The following MARK2 variants were observed in gnomAD, a reference collection of about 807,000 sequenced individuals.
MARK2 encodes the protein microtubule affinity regulating kinase 2, also known as serine/threonine-protein kinase MARK2.
A neutral mutation model predicts 89.8 loss-of-function variants in MARK2; 16 were observed. That is an observed-to-expected ratio of 0.18 (90% CI 0.12 to 0.27). MARK2 has a LOEUF of 0.27. Among genes scored for constraint, MARK2 ranks in the 10% least tolerant of loss-of-function variants. The pLI is 1.00. For synonymous variants in MARK2, 382 were observed against 399.5 expected, an observed-to-expected ratio of 0.96 and a Z score of 0.52; for missense variants, 621 against 1,049.9, an observed-to-expected ratio of 0.59 and a Z score of 5.65.
chr11:63,891,357 G>C (rs1171832242), intron 1 of MARK2, among the ~76,000 whole-genome samples: 1 of 152,224 alleles, frequency 6.6e-6, no homozygotes, highest in Non-Finnish European at 1.5e-5. Flanking sequence ...GTCTTAACCA[G>C]AAAGGAAGAG....
At position 63,902,884 on chromosome 11, in the gene MARK2, T is replaced by C; in HGVS notation, c.1416+102T>C. 8.7e-7 allele frequency: 1 copy of C among 1,150,720 alleles called. No individual in the cohort carries two copies. The highest frequency in any genetic ancestry group is 1.3e-6 in the Non-Finnish European group (1 of 785,320). The allele number at this position is 1,150,720 out of a possible 1,614,324, so 71.3% of individuals were successfully genotyped here. A position where few individuals can be genotyped will look rare whatever the true frequency, so the allele number is the denominator to read the frequency against. ...AGACTCTGTTCCCTTTGGCTACTAC[T>C]TCTGCTTATAGCAGGAAGCCTCGCT... On this transcript the variant is annotated intron_variant, in intron 13 of 18. Transcript: ENST00000402010. The surrounding 1 kb of genome is among the most constrained non-coding windows in gnomAD (Gnocchi z 4.2).
chr11:63,881,296 A>G (rs886438607), intron 1 of MARK2, among the ~76,000 whole-genome samples: 3 of 151,652 alleles, frequency 2.0e-5, no homozygotes, highest in African/African-American at 7.3e-5. Context: ...CCAGAGAGAA[A>G]CTCTGTCTCA....
Position 63,839,249 on chromosome 11 carries a change from C to A in MARK2, c.-258C>A. 4.0e-6 allele frequency: 1 copy of A among 252,028 alleles called. No individual in the cohort carries two copies. Among genetic ancestry groups the A allele is most frequent in the South Asian group, 1.7e-4 (1 of 6,004 alleles). 15.6% of individuals were successfully genotyped at this position (252,028 alleles called of 1,614,324 possible). A position where few individuals can be genotyped will look rare whatever the true frequency, so the allele number is the denominator to read the frequency against. ...GCGGCAGAGAGTAGGCGGAGCGGCG[C>A]GGCCCGGCCGAAAGGCGGCACAGCC... is the stretch of plus-strand genomic sequence containing the variant. On this transcript the variant is annotated 5_prime_UTR_variant, in exon 1 of 19. Transcript: ENST00000402010.
At position 63,900,208 on chromosome 11, in the gene MARK2, C is replaced by A; in HGVS notation, c.768+98C>A. The stretch of plus-strand genomic sequence containing the variant: ...CTTTGCCACCTGTCTACATTTGTCC[C>A]AAGCCAAAGCTTCAGAGAAGGGCTT... On this transcript the variant is annotated intron_variant, in intron 8 of 18. Transcript: ENST00000402010. This position sits in a 1 kb window ranked among gnomAD's most constrained non-coding sequence, Gnocchi z 4.7. The A allele has an allele frequency of 1.1e-6, 1 of 921,352 alleles. No homozygotes were observed. Among genetic ancestry groups the A allele is most frequent in the Non-Finnish European group, 1.7e-6 (1 of 580,278 alleles). 57.1% of individuals were successfully genotyped at this position (921,352 alleles called of 1,614,324 possible). A position where few individuals can be genotyped will look rare whatever the true frequency, so the allele number is the denominator to read the frequency against.
Position 63,901,126 on chromosome 11 carries a change from A to G in MARK2, c.1101+57A>G, listed in dbSNP as rs1307803720. The G allele has an allele frequency of 2.1e-5, 24 of 1,147,782 alleles. No individual in the cohort carries two copies. The Admixed American group carries it at 4.3e-4, about 20-fold the overall frequency. 71.1% of individuals were successfully genotyped at this position (1,147,782 alleles called of 1,614,324 possible). A position where few individuals can be genotyped will look rare whatever the true frequency, so the allele number is the denominator to read the frequency against. On this transcript the variant is annotated intron_variant, in intron 11 of 18. Coordinates refer to ENST00000402010, the MANE Select transcript of MARK2 (RefSeq NM_001039469.3). ...GCCAGCCTCACTGTCTGTAGCACCT[A>G]TGCTTCTAACACCTGTTGAGGGCAG...
chr11:63,890,282 G>A (rs1276487807), intron 1 of MARK2: 1 of 1,345,314 alleles, frequency 7.4e-7, no homozygotes, highest in Admixed American at 1.9e-5. Flanking sequence ...CAGCATAGAA[G>A]AAGGGGTGCA....
chr11:63,843,663 C>T (rs1316504326), intron 1 of MARK2, among the ~76,000 whole-genome samples: 12 of 151,630 alleles, frequency 7.9e-5, no homozygotes, highest in East Asian at 1.9e-4. Context: ...CTTGCTCTGT[C>T]GCCCAGGCTG....
chr11:63,901,422 G>GGTGTGTGTGTGTGTGTGTGTGTGTGT (rs147425490), intron 11 of MARK2, among the ~76,000 whole-genome samples: 3 of 139,672 alleles, frequency 2.1e-5, no homozygotes, highest in Non-Finnish European at 4.5e-5. Flanking sequence ...TACATTTCTG[G>GGTGTGTGTGTGTGTGTGTGTGTGTGT]GTGTGTGTGT....
intron 1 of MARK2, among the ~76,000 whole-genome samples, chr11:63,852,158 T>G (rs1053018390): frequency 1.7e-4 from 26 of 152,242 alleles, no homozygotes; most frequent in Non-Finnish European, 2.6e-4. Context: ...TTCTGGCTAA[T>G]GAAATGTGTA....
chr11:63,876,939 C>G (rs1198732539), intron 1 of MARK2, among the ~76,000 whole-genome samples: 3 of 151,990 alleles, frequency 2.0e-5, no homozygotes, highest in African/African-American at 7.3e-5. Flanking sequence ...GAGTGCCATT[C>G]CCAGGTTCAT....
Position 63,893,927 on chromosome 11 carries a change from G to A in MARK2, c.55-1232G>A, listed in dbSNP as rs531324920. ...CCCTGAGATATCTGATTATGTATAT[G>A]CAAATATTCCAAAATCCAAAACAAT... On this transcript the variant is annotated intron_variant, in intron 1 of 18. Transcript: ENST00000402010. Among the ~76,000 whole-genome samples the A allele has an allele frequency of 2.0e-5, 3 of 152,322 alleles. No individual in the cohort carries two copies. The South Asian group carries it at 6.2e-4, about 32-fold the overall frequency.
At chr11:63,861,443 AAAAC>A (rs1937775304) in intron 1 of MARK2, among the ~76,000 whole-genome samples, 1 of 152,198 alleles carries the variant, frequency 6.6e-6, no homozygotes, top group Non-Finnish European at 1.5e-5. Flanking sequence ...TCAGAAAAAA[AAAAC>A]AAGAATTTTA....
intron 11 of MARK2, among the ~76,000 whole-genome samples, chr11:63,901,422 G>GGTTTGTGTGTGTGT (rs1940856120): frequency 1.4e-5 from 2 of 139,696 alleles, no homozygotes; most frequent in East Asian, 4.3e-4. Flanking sequence ...TACATTTCTG[G>GGTTTGTGTGTGTGT]GTGTGTGTGT....
rs1351111596 is a variant in MARK2, at chr11:63,900,475, T to G, written c.769-84T>G. Reference sequence around the variant, plus strand: ...TTCATTTATGTCTGCTTTGCCAGGCTTAAGCTCTCAGGATCTTGGATATTA... The same window carrying G: ...TTCATTTATGTCTGCTTTGCCAGGCGTAAGCTCTCAGGATCTTGGATATTA... On this transcript the variant is annotated intron_variant, in intron 8 of 18. Coordinates refer to ENST00000402010, the MANE Select transcript of MARK2 (RefSeq NM_001039469.3). The surrounding 1 kb of genome is among the most constrained non-coding windows in gnomAD (Gnocchi z 4.7). The G allele has an allele frequency of 1.4e-5, 21 of 1,503,082 alleles. No individual in the cohort carries two copies. The highest frequency in any genetic ancestry group is 2.8e-5 in the African/African-American group (2 of 71,738). The allele number at this position is 1,503,082 out of a possible 1,614,324, so 93.1% of individuals were successfully genotyped here.
intron 16 of MARK2, 84 bp downstream of exon 16, chr11:63,905,127 G>A (rs1941222595): frequency 1.4e-6 from 2 of 1,426,558 alleles, no homozygotes; most frequent in Admixed American, 1.8e-5. Context: ...TGGGGGTTGG[G>A]GTTTGGGACA....
At chr11:63,845,615 C>G (rs1197307437) in intron 1 of MARK2, among the ~76,000 whole-genome samples, 1 of 152,226 alleles carries the variant, frequency 6.6e-6, no homozygotes, top group African/African-American at 2.4e-5. Context: ...CCTCTTCCCA[C>G]TGCTGGAGAG....
chr11:63,842,068 A>G (rs1005727621), intron 1 of MARK2, among the ~76,000 whole-genome samples: 10 of 152,114 alleles, frequency 6.6e-5, no homozygotes, highest in East Asian at 1.9e-4. Flanking sequence ...CTCTTTATGG[A>G]CTTAGATTCT....
chr11:63,868,597 A>C (rs1938263555), intron 1 of MARK2: 1 of 348,860 alleles, frequency 2.9e-6, no homozygotes, highest in East Asian at 7.5e-5. Flanking sequence ...GGGAGGATGC[A>C]CTGCTGAGGA....
chr11:63,854,612 A>T (rs567418849), intron 1 of MARK2, among the ~76,000 whole-genome samples: 17 of 151,904 alleles, frequency 1.1e-4, no homozygotes, highest in African/African-American at 3.9e-4. Context: ...AGGCGAGTGG[A>T]TCACCTGAGG....
Sources: allele counts gnomAD v4.1 joint callset (sites outside exome capture counted in the v4.1 genomes callset), GRCh38; gene constraint gnomAD v4.1.1; non-coding constraint Gnocchi (gnomAD v3.1); transcripts MANE v1.5; gene names NCBI Gene and HGNC (gene_info 2026-07-23, HGNC 2026-07-21).